NEK3: variants seen among roughly 807,000 people sequenced by gnomAD.
NEK3 encodes the protein serine/threonine-protein kinase Nek3.
Under a neutral mutation model 66.0 loss-of-function variants are expected in NEK3, and 54 were observed. The ratio of observed to expected loss-of-function variants is 0.82; its 90% CI spans 0.66 to 1.03. The LOEUF (loss-of-function observed/expected upper bound fraction) is 1.03, where lower values mean the gene tolerates loss of function less well. Ranked by LOEUF, NEK3 falls within the 50% of genes least tolerant of loss-of-function variation. The pLI, the probability that NEK3 is intolerant of heterozygous loss-of-function variation, is 0.00. For synonymous variants in NEK3, 200 were observed against 206.2 expected (o/e 0.97, Z 0.26); for missense variants, 593 against 603.0 (o/e 0.98, Z 0.17).
intron 9 of NEK3, 59 bp downstream of exon 9, chr13:52,144,632 A>C: frequency 1.5e-6 from 2 of 1,357,758 alleles, no homozygotes; most frequent in Non-Finnish European, 2.1e-6. Context: ...TTAAAAGATA[A>C]CAAACCATTT....
intron 11 of NEK3, among the ~76,000 whole-genome samples, chr13:52,139,617 G>T (rs1263635495): frequency 1.3e-5 from 2 of 152,166 alleles, no homozygotes; most frequent in African/African-American, 4.8e-5. Flanking sequence ...ACAAAAAGCA[G>T]GCCAGGTGTG....
intron 13 of NEK3, 102 bp from the exon 14 acceptor site, chr13:52,135,965 T>TA: frequency 6.7e-7 from 1 of 1,501,630 alleles, no homozygotes; most frequent in South Asian, 1.3e-5. Context: ...ATTTGACTGT[T>TA]AACTAAAATC....
intron 8 of NEK3, among the ~76,000 whole-genome samples, chr13:52,145,118 T>C (rs1956283484): frequency 6.6e-6 from 1 of 152,166 alleles, no homozygotes. Context: ...TTTCCATCAA[T>C]GCCTGCTGTG....
Position 52,144,840 on chromosome 13 carries a change from T to G in NEK3, c.655A>C (p.Ile219Leu). The G allele has an allele frequency of 6.2e-7, 1 of 1,612,892 alleles. No individual in the cohort carries two copies. The highest frequency in any genetic ancestry group is 1.1e-5 in the South Asian group (1 of 90,814). Residue 219 changes from isoleucine (I) to leucine (L), a missense_variant, in exon 9 of 16, where the codon ATC becomes CTC. Physicochemically the swap from Ile to Leu is conservative, Grantham distance 5 (BLOSUM62 2). Transcript: ENST00000610828. Reference protein sequence around the residue: ...NLILKVCQGCISPLPSHYSYE... With the variant: ...NLILKVCQGCLSPLPSHYSYE... ...GAGTAATGAGACGGCAGTGGACTGA[T>G]GCACCCTTGACATACTTTGAGGATA...
chr13:52,138,465 A>G (rs553206059), intron 11 of NEK3, among the ~76,000 whole-genome samples: 1 of 152,368 alleles, frequency 6.6e-6, no homozygotes, highest in African/African-American at 2.4e-5. Flanking sequence ...AGACATTACA[A>G]TGAAAAGAAA....
intron 2 of NEK3, among the ~76,000 whole-genome samples, chr13:52,155,624 T>G (rs1321945270): frequency 2.6e-5 from 4 of 152,236 alleles, no homozygotes; most frequent in African/African-American, 9.6e-5. Context: ...AGCTAACGAA[T>G]AAACCAATTA....
At chr13:52,152,583 T>TTA in intron 5 of NEK3, 26 bp downstream of exon 5, 1 of 1,470,082 alleles carries the variant, frequency 6.8e-7, no homozygotes, top group Non-Finnish European at 9.3e-7. Flanking sequence ...TTTTTTTTTT[T>TTA]AAGTCCAAAA....
chr13:52,144,771 G>A lies in NEK3; in HGVS notation c.724C>T (p.Pro242Ser). ...FLVKQMFKRN[P>S]SHRPSATTLL... ...GTTGTAGCCGAGGGGCGATGTGAGG[G>A]ATTCCTTTTAAACATCTGCTTGACT... Residue 242 changes from proline to serine, a missense_variant, in exon 9 of 16, where the codon CCC (proline) becomes TCC (serine). Pro to Ser is a moderately conservative substitution (Grantham distance 74, BLOSUM62 -1). Coordinates refer to ENST00000610828, the MANE Select transcript of NEK3 (RefSeq NM_002498.3). 1.9e-6 allele frequency: 3 copies of A among 1,613,848 alleles called. No homozygotes were observed. The highest frequency in any genetic ancestry group is 1.7e-5 in the Admixed American group (1 of 60,002).
At chr13:52,142,501 C>T (rs1956260257) in intron 10 of NEK3, among the ~76,000 whole-genome samples, 1 of 152,170 alleles carries the variant, frequency 6.6e-6, no homozygotes, top group African/African-American at 2.4e-5. Context: ...TGGTCTTGAT[C>T]TCCTGACCTC....
At chr13:52,150,878 G>A (rs1292723080) in intron 7 of NEK3, among the ~76,000 whole-genome samples, 7 of 152,272 alleles carry the variant, frequency 4.6e-5, no homozygotes, top group South Asian at 2.1e-4. Context: ...AATTCATACC[G>A]TCCCTAGAAA....
chr13:52,154,267 G>C, intron 2 of NEK3, 94 bp from the exon 3 acceptor site: 1 of 746,672 alleles, frequency 1.3e-6, no homozygotes, highest in Non-Finnish European at 2.1e-6. Context: ...TTTAATGCTA[G>C]ATGCAGTTTT....
chr13:52,135,692 C>CA (rs1956198091), intron 14 of NEK3, 37 bp downstream of exon 14: 1 of 1,561,546 alleles, frequency 6.4e-7, no homozygotes, highest in Non-Finnish European at 8.6e-7. Context: ...TTCAAAAAGT[C>CA]AAAGGGTTTC....
intron 14 of NEK3, 124 bp from the exon 15 acceptor site, chr13:52,133,939 T>C (rs1956180154): frequency 2.1e-6 from 2 of 959,900 alleles, no homozygotes; most frequent in African/African-American, 3.3e-5. Flanking sequence ...AACTCTTTTG[T>C]AGTGTCTCCC....
intron 8 of NEK3, among the ~76,000 whole-genome samples, chr13:52,145,868 G>C (rs986334728): frequency 6.6e-6 from 1 of 152,126 alleles, no homozygotes; most frequent in African/African-American, 2.4e-5. Flanking sequence ...GGGGTTGGTA[G>C]GTGCAGCAAA....
chr13:52,147,738 G>A (rs781571104), intron 8 of NEK3, among the ~76,000 whole-genome samples: 3 of 152,136 alleles, frequency 2.0e-5, no homozygotes, highest in Non-Finnish European at 4.4e-5. Flanking sequence ...TTGGGAGGCC[G>A]AGGCGAGTGG....
intron 2 of NEK3, among the ~76,000 whole-genome samples, chr13:52,154,590 GTC>G (rs1956376091): frequency 6.6e-6 from 1 of 151,726 alleles, no homozygotes; most frequent in South Asian, 2.1e-4. Flanking sequence ...TGTTTTGACT[GTC>G]TGCATCACTT....
Position 52,144,754 on chromosome 13 carries a change from C to T in NEK3, c.741G>A (p.Ser247=), listed in dbSNP as rs749880558. The part of the protein sequence containing the change: ...MFKRNPSHRP[S]ATTLLSRGIV... Reference sequence around the variant, plus strand: ...TGCCTCGAGAGAGAAGCGTTGTAGCCGAGGGGCGATGTGAGGGATTCCTTT... The same window carrying T: ...TGCCTCGAGAGAGAAGCGTTGTAGCTGAGGGGCGATGTGAGGGATTCCTTT... Residue 247 remains serine (S), a synonymous_variant, in exon 9 of 16, where the codon TCG becomes TCA. Coordinates refer to ENST00000610828, the MANE Select transcript of NEK3 (RefSeq NM_002498.3). The T allele has an allele frequency of 1.1e-5, 18 of 1,613,572 alleles. No homozygotes were observed. The highest frequency in any genetic ancestry group is 1.6e-4 in the Middle Eastern group (1 of 6,084).
chr13:52,136,680 C>A, intron 12 of NEK3, 120 bp downstream of exon 12: 1 of 573,554 alleles, frequency 1.7e-6, no homozygotes, highest in Non-Finnish European at 3.0e-6. Flanking sequence ...AAATAAGTTA[C>A]TAGATAAGCA....
intron 7 of NEK3, among the ~76,000 whole-genome samples, chr13:52,149,003 T>C (rs1374881366): frequency 1.3e-5 from 2 of 152,100 alleles, no homozygotes; most frequent in African/African-American, 4.8e-5. Context: ...ACCATTCTCC[T>C]GCCTCAGCCT....
Sources: gnomAD v4.1 joint callset for allele counts (sites outside exome capture counted in the v4.1 genomes callset) on GRCh38, gnomAD v4.1.1 for gene constraint, MANE v1.5 for transcripts, NCBI Gene and HGNC (gene_info 2026-07-23, HGNC 2026-07-21) for gene names.